PTPN3: variants seen among roughly 807,000 people sequenced by gnomAD.
PTPN3 encodes tyrosine-protein phosphatase non-receptor type 3.
In PTPN3, 96 loss-of-function variants were observed where a neutral mutation model predicts 132.7. That is an observed-to-expected ratio of 0.72 (90% CI 0.61 to 0.86). The LOEUF (loss-of-function observed/expected upper bound fraction) is 0.86. Among genes scored for constraint, PTPN3 ranks in the 40% least tolerant of loss-of-function variants. The pLI is 0.00. For missense variants in PTPN3, 1,125 were observed against 1,159.6 expected (o/e 0.97, Z 0.43); for synonymous variants, 398 against 429.0 (o/e 0.93, Z 0.89).
the PTPN3 span, chr9:109,533,693 A>G: frequency 2.0e-6 from 3 of 1,482,552 alleles, no homozygotes; most frequent in Non-Finnish European, 1.8e-6. Flanking sequence ...TTCTCCCTGC[A>G]CAGGAGGGTT....
the PTPN3 span, among the ~76,000 whole-genome samples, chr9:109,523,799 C>T: frequency 1.1e-4 from 5 of 44,432 alleles, no homozygotes; most frequent in Admixed American, 4.8e-4. Context: ...ATAGTGTATG[C>T]GGCCTTCTGC....
chr9:109,536,376 G>T, the PTPN3 span, among the ~76,000 whole-genome samples: 112 of 152,326 alleles, frequency 7.4e-4, 1 homozygote, highest in East Asian at 0.02. Flanking sequence ...AAATGGAGTT[G>T]CTGGGTCACA....
chr9:109,410,549 G>A, intron 14 of PTPN3, 134 bp from the exon 15 acceptor site: 1 of 991,484 alleles, frequency 1.0e-6, no homozygotes, highest in Non-Finnish European at 1.5e-6. Flanking sequence ...GTTGTCAGCG[G>A]GATTTGAGTA....
rs565236070 is a variant in PTPN3, at chr9:109,472,409, TTC to T, written c.-17-8960_-17-8959del. 1.6e-4 allele frequency among the ~76,000 whole-genome samples: 24 copies of T among 152,360 alleles called. No homozygotes were observed. The South Asian group carries it at 1.9e-3, about 12-fold the overall frequency. ...TGCTATTTATCAGGCTTTGAAAATG[TTC>T]TTTTTAAAAATGTTATTTAATATTT... On this transcript the variant is annotated intron_variant, in intron 1 of 25. Coordinates refer to ENST00000374541, the MANE Select transcript of PTPN3 (RefSeq NM_002829.4).
the PTPN3 span, among the ~76,000 whole-genome samples, chr9:109,504,295 C>G: frequency 6.6e-6 from 1 of 152,172 alleles, no homozygotes; most frequent in African/African-American, 2.4e-5. Context: ...GTAGGGCCCT[C>G]CCTTCATCCT....
At chr9:109,526,889 A>C in the PTPN3 span, among the ~76,000 whole-genome samples, 1 of 152,206 alleles carries the variant, frequency 6.6e-6, no homozygotes, top group Admixed American at 6.5e-5. Context: ...GATTTATGAC[A>C]AATATTCTAC....
At chr9:109,402,148 A>C (rs909998560) in intron 19 of PTPN3, among the ~76,000 whole-genome samples, 5 of 152,124 alleles carry the variant, frequency 3.3e-5, no homozygotes, top group African/African-American at 1.2e-4. Flanking sequence ...AATACCAAAA[A>C]ACCGGTATGC....
chr9:109,412,143 T>A (rs1842118129), intron 14 of PTPN3, among the ~76,000 whole-genome samples: 1 of 152,172 alleles, frequency 6.6e-6, no homozygotes, highest in Non-Finnish European at 1.5e-5. Context: ...CCAGTTCTCG[T>A]TCTGTCTGTC....
intron 1 of PTPN3, among the ~76,000 whole-genome samples, chr9:109,475,314 A>G (rs1846603653): frequency 6.6e-6 from 1 of 152,232 alleles, no homozygotes; most frequent in African/African-American, 2.4e-5. Flanking sequence ...TCAAAACTGA[A>G]TTTCCTTTCA....
At chr9:109,441,747 C>T (rs1844488388) in intron 7 of PTPN3, among the ~76,000 whole-genome samples, 1 of 148,672 alleles carries the variant, frequency 6.7e-6, no homozygotes. Context: ...CTGAAGATCA[C>T]TTTTTTTTTT....
chr9:109,527,334 G>A, the PTPN3 span, among the ~76,000 whole-genome samples: 2 of 152,174 alleles, frequency 1.3e-5, no homozygotes, highest in South Asian at 2.1e-4. Flanking sequence ...AGTGGTGCAC[G>A]CCTGTAATCC....
intron 2 of PTPN3, among the ~76,000 whole-genome samples, chr9:109,457,638 C>T (rs1002365105): frequency 6.6e-6 from 1 of 152,210 alleles, no homozygotes; most frequent in African/African-American, 2.4e-5. Flanking sequence ...AAGATTTCTT[C>T]CTTCCCCCTT....
chr9:109,410,752 C>T (rs1842013876), intron 14 of PTPN3, among the ~76,000 whole-genome samples: 2 of 152,198 alleles, frequency 1.3e-5, no homozygotes, highest in Admixed American at 6.5e-5. Flanking sequence ...CCAGGCTCTG[C>T]CAGGCAAGCT....
intron 2 of PTPN3, among the ~76,000 whole-genome samples, chr9:109,460,822 A>C (rs1291759529): frequency 6.6e-6 from 1 of 152,192 alleles, no homozygotes; most frequent in Non-Finnish European, 1.5e-5. Context: ...TGTTAGCTTC[A>C]AAAACGCAGG....
At chr9:109,459,413 C>A (rs990704960) in intron 2 of PTPN3, among the ~76,000 whole-genome samples, 1 of 152,264 alleles carries the variant, frequency 6.6e-6, no homozygotes, top group African/African-American at 2.4e-5. Flanking sequence ...AAGTTGCAAC[C>A]AGGCCCTCCA....
rs1845039086 is a variant in PTPN3 at position 109,448,875 on chromosome 9, A to C, written c.369-20T>G. On this transcript the variant is annotated intron_variant, in intron 5 of 25. Coordinates refer to ENST00000374541, the MANE Select transcript of PTPN3 (RefSeq NM_002829.4). ...AAGTGCCTATGAAACAATTGTTTTC[A>C]TTAATTCATACTCAAACTGAAATAA... 6.4e-7 allele frequency: 1 copy of C among 1,570,756 alleles called. No individual in the cohort carries two copies. Among genetic ancestry groups the C allele is most frequent in the Non-Finnish European group, 8.6e-7 (1 of 1,163,508 alleles).
chr9:109,424,864 C>T (rs555507777), intron 12 of PTPN3, among the ~76,000 whole-genome samples: 92 of 152,298 alleles, frequency 6.0e-4, no homozygotes, highest in African/African-American at 2.2e-3. Context: ...AATACAAGAC[C>T]AGAACCCAGC....
intron 19 of PTPN3, among the ~76,000 whole-genome samples, chr9:109,394,404 A>AAT (rs1303038275): frequency 6.6e-6 from 1 of 152,176 alleles, no homozygotes; most frequent in Non-Finnish European, 1.5e-5. Flanking sequence ...TACTAAGATT[A>AAT]ATCCTACTAA....
chr9:109,399,940 C>T (rs980160223), intron 19 of PTPN3, among the ~76,000 whole-genome samples: 2 of 136,296 alleles, frequency 1.5e-5, no homozygotes, highest in African/African-American at 5.4e-5. Flanking sequence ...ACACAGTTAC[C>T]TTTTTTTTTT....
Sources: gnomAD v4.1 joint callset for allele counts (sites outside exome capture counted in the v4.1 genomes callset) on GRCh38, gnomAD v4.1.1 for gene constraint, MANE v1.5 for transcripts, NCBI Gene and HGNC (gene_info 2026-07-23, HGNC 2026-07-21) for gene names.